The following PRAG1 variants were observed in gnomAD, a reference collection of about 807,000 sequenced individuals.
The protein encoded by PRAG1 is inactive tyrosine-protein kinase PRAG1.
In PRAG1, 110 loss-of-function variants were observed where a neutral mutation model predicts 95.6. That is an observed-to-expected ratio of 1.15 (90% CI 0.99 to 1.35). The LOEUF (loss-of-function observed/expected upper bound fraction) is 1.35. Ranked by LOEUF, PRAG1 falls within the 40% of genes most tolerant of loss-of-function variation. The probability of loss-of-function intolerance (pLI) is 0.00; values close to 1 mark genes in which losing one functional copy is unlikely to be tolerated. For synonymous variants in PRAG1, 1,052 were observed against 819.4 expected (o/e 1.28, Z -4.85); for missense variants, 2,554 against 1,864.7 (o/e 1.37, Z -6.81).
intron 4 of PRAG1, among the ~76,000 whole-genome samples, chr8:8,334,945 G>A (rs1798939709): frequency 6.6e-6 from 1 of 151,876 alleles, no homozygotes; most frequent in African/African-American, 2.4e-5. Context: ...AGCCAGGCGT[G>A]GTGGCGCGCA....
chr8:8,372,077 A>C (rs375031219), intron 3 of PRAG1, among the ~76,000 whole-genome samples: 2 of 152,172 alleles, frequency 1.3e-5, no homozygotes, highest in Non-Finnish European at 2.9e-5. Flanking sequence ...CACTAACCAG[A>C]TGATTCTCTT....
rs757860764 is a variant in PRAG1, at chr8:8,319,162, G to A, written c.3213C>T (p.Asp1071=). Residue 1071 remains aspartate, a synonymous_variant, in exon 6 of 6, where the codon GAC becomes GAT. Transcript: ENST00000615670. ...SMLSSPDAPK[D]PVPALPTHPP... is the part of the protein sequence containing the mutation. Reference sequence around the variant, plus strand: ...GGTGTGTGGGCAGGGCAGGCACAGGGTCCTTGGGCGCGTCGGGGGAGCTGA... The same window carrying A: ...GGTGTGTGGGCAGGGCAGGCACAGGATCCTTGGGCGCGTCGGGGGAGCTGA... The A allele has an allele frequency of 1.1e-5, 18 of 1,604,618 alleles. No homozygotes were observed. Among genetic ancestry groups the A allele is most frequent in the Non-Finnish European group, 1.4e-5 (17 of 1,175,282 alleles).
Position 8,328,177 on chromosome 8 carries a change from C to T in PRAG1, c.2605G>A (p.Gly869Arg), listed in dbSNP as rs369769327. 108 of 1,614,030 alleles carry T rather than the reference C, an allele frequency of 6.7e-5. 1 individual carries two copies. The highest frequency in any genetic ancestry group is 1.7e-4 in the African/African-American group (13 of 74,918). Reference sequence around the variant, plus strand: ...GAGAAGACAGGATGGTGGCGGTTCCCGGGGCTCAACGAATAGCTAAAGTGA... The same window carrying T: ...GAGAAGACAGGATGGTGGCGGTTCCTGGGGCTCAACGAATAGCTAAAGTGA... ...ESHFSYSLSPGNRHHPVFSSS... is the reference protein window; with the variant it reads ...ESHFSYSLSPRNRHHPVFSSS... The change falls in exon 5 of 6, where the codon GGG becomes AGG. Residue 869 changes from glycine (G) to arginine (R), a missense_variant. By Grantham distance (125) the Gly-to-Arg change is moderately radical. Transcript: ENST00000615670.
rs1337889709 is a variant in PRAG1, at chr8:8,376,276, G to A, written c.2133C>T (p.Phe711=). The change falls in exon 3 of 6, where the codon TTC becomes TTT. Residue 711 remains phenylalanine, a synonymous_variant. Transcript: ENST00000615670. ...FPKDRSGIET[F]SPPPPPPKSR... is the part of the protein sequence containing the mutation. ...ACTTTGGAGGCGGAGGAGGAGGTGAGAATGTCTCAATCCCACTTCTGTCCT... is the reference window on the plus strand; with the variant it reads ...ACTTTGGAGGCGGAGGAGGAGGTGAAAATGTCTCAATCCCACTTCTGTCCT... The A allele has an allele frequency of 1.2e-6, 2 of 1,614,060 alleles. No homozygotes were observed. The highest frequency in any genetic ancestry group is 1.3e-5 in the African/African-American group (1 of 75,036).
rs774564266 is a variant in PRAG1, at chr8:8,327,854, G to A, written c.2928C>T (p.Gly976=). The part of the protein sequence containing the change: ...LVAKCEDLFM[G]GQKKELHFNE... ...TGAAGTGGAGCTCCTTTTTCTGGCC[G>A]CCCATGAAGAGGTCCTCACATTTGG... The change falls in exon 5 of 6, where the codon GGC becomes GGT. Residue 976 remains glycine, a synonymous_variant. Transcript: ENST00000615670. 2.1e-5 allele frequency: 34 copies of A among 1,614,082 alleles called. 1 individual carries two copies. The highest frequency in any genetic ancestry group is 1.6e-4 in the Middle Eastern group (1 of 6,084).
In PRAG1 at chr8:8,328,405, G is replaced by T. The variant is rs764227798; in HGVS notation, c.2377C>A (p.Pro793Thr). 11 of 1,613,786 alleles carry T rather than the reference G, an allele frequency of 6.8e-6. No individual in the cohort carries two copies. The highest frequency in any genetic ancestry group is 8.5e-6 in the Non-Finnish European group (10 of 1,180,026). Residue 793 changes from proline (P) to threonine (T), a missense_variant, in exon 5 of 6, where the codon CCC (proline) becomes ACC (threonine). By Grantham distance (38) the Pro-to-Thr change is conservative. Coordinates refer to ENST00000615670, the MANE Select transcript of PRAG1 (RefSeq NM_001080826.3). ...PTNSGKKLFA[P>T]VPFPSGSTED... Reference sequence around the variant, plus strand: ...GTGGAGCCTGAAGGAAACGGAACGGGAGCAAAGAGCTTCTTCCCGCTGTTG... The same window carrying T: ...GTGGAGCCTGAAGGAAACGGAACGGTAGCAAAGAGCTTCTTCCCGCTGTTG...
intron 3 of PRAG1, among the ~76,000 whole-genome samples, chr8:8,357,080 T>G (rs1371674838): frequency 6.6e-6 from 1 of 152,112 alleles, no homozygotes; most frequent in African/African-American, 2.4e-5. Flanking sequence ...ATAAAATTCC[T>G]CGTGGAAAAC....
At position 8,376,294 on chromosome 8, in the gene PRAG1, T is replaced by A; in HGVS notation, c.2115A>T (p.Arg705Ser). The change falls in exon 3 of 6, where the codon AGA (arginine) becomes AGT (serine). Residue 705 changes from arginine (R) to serine (S), a missense_variant. Transcript: ENST00000615670. ...GAGGTGAGAATGTCTCAATCCCACT[T>A]CTGTCCTTGGGGAACTCAAAGGCAA... ...ASFAFEFPKDRSGIETFSPPP... is the reference protein window; with the variant it reads ...ASFAFEFPKDSSGIETFSPPP... The A allele has an allele frequency of 6.2e-7, 1 of 1,614,204 alleles. No individual in the cohort carries two copies. The highest frequency in any genetic ancestry group is 2.2e-5 in the East Asian group (1 of 44,872).
intron 3 of PRAG1, among the ~76,000 whole-genome samples, chr8:8,349,543 A>C (rs888004308): frequency 1.3e-5 from 2 of 152,102 alleles, no homozygotes; most frequent in African/African-American, 4.8e-5. Context: ...CGGCCTCCCA[A>C]AGTGCTGGGA....
rs772482190 is a variant in PRAG1, at chr8:8,376,920, C to T, written c.1489G>A (p.Val497Met). Residue 497 changes from valine (V) to methionine (M), a missense_variant, in exon 3 of 6, where the codon GTG (valine) becomes ATG (methionine). Coordinates refer to ENST00000615670, the MANE Select transcript of PRAG1 (RefSeq NM_001080826.3). ...TIYLSSPDSA[V>M]GVQWPRGPVS... ...GGCCCTCGTGGCCACTGCACCCCCA[C>T]TGCAGAGTCAGGGCTGCTCAGGTAG... 1.2e-6 allele frequency: 2 copies of T among 1,613,474 alleles called. No homozygotes were observed. Among genetic ancestry groups the T allele is most frequent in the East Asian group, 2.2e-5 (1 of 44,886 alleles).
Position 8,377,716 on chromosome 8 carries a change from G to A in PRAG1, c.693C>T (p.Ser231=). The change falls in exon 3 of 6, where the codon TCC becomes TCT. Residue 231 remains serine (S), a synonymous_variant. Coordinates refer to ENST00000615670, the MANE Select transcript of PRAG1 (RefSeq NM_001080826.3). ...GATCACTGTCATCCTCCGAGGGCAG[G>A]GATTCCCGCAGGGGCCCAGGGCCCT... ...CHQGPGPLRE[S]LPSEDDSDQR... The A allele has an allele frequency of 2.5e-6, 4 of 1,613,998 alleles. No homozygotes were observed. Among genetic ancestry groups the A allele is most frequent in the Non-Finnish European group, 3.4e-6 (4 of 1,180,006 alleles).
chr8:8,347,016 A>G (rs530029183), intron 3 of PRAG1, among the ~76,000 whole-genome samples: 10 of 152,370 alleles, frequency 6.6e-5, no homozygotes, highest in Non-Finnish European at 1.2e-4. Context: ...AAAGTTTTAG[A>G]GCATCAAATA....
Position 8,377,145 on chromosome 8 carries a change from C to T in PRAG1, c.1264G>A (p.Ala422Thr). The T allele has an allele frequency of 6.2e-7, 1 of 1,612,312 alleles. No individual in the cohort carries two copies. Among genetic ancestry groups the T allele is most frequent in the Non-Finnish European group, 8.5e-7 (1 of 1,180,014 alleles). ...IYAESTKRKK[A>T]APVPSKSQAK... ...TGTGACTTGGAAGGCACCGGAGCTG[C>T]CTTCTTCCTCTTGGTGCTCTCAGCA... The change falls in exon 3 of 6, where the codon GCA becomes ACA. Residue 422 changes from alanine (A) to threonine (T), a missense_variant. By Grantham distance (58) the Ala-to-Thr change is moderately conservative. Transcript: ENST00000615670.
chr8:8,381,584 G>T lies in PRAG1; in HGVS notation c.164C>A (p.Pro55His). 6.2e-7 allele frequency: 1 copy of T among 1,614,134 alleles called. No individual in the cohort carries two copies. Among genetic ancestry groups the T allele is most frequent in the Non-Finnish European group, 8.5e-7 (1 of 1,179,998 alleles). The change falls in exon 2 of 6, where the codon CCC becomes CAC. Residue 55 changes from proline to histidine, a missense_variant. By Grantham distance (77) the Pro-to-His change is moderately conservative. Transcript: ENST00000615670. ...CCTGGGAGGCAGGCGCGGTGGAGGG[G>T]GCAGGCTGCCCGCTCTGGGCTGGGG... is the stretch of plus-strand genomic sequence containing the variant. ...GPPQPRAGSL[P>H]PPPRLPPRPE...
chr8:8,368,370 G>A (rs1180945059), intron 3 of PRAG1, among the ~76,000 whole-genome samples: 1 of 152,196 alleles, frequency 6.6e-6, no homozygotes, highest in Non-Finnish European at 1.5e-5. Flanking sequence ...TATGGGAATA[G>A]TATAAACACT....
intron 4 of PRAG1, among the ~76,000 whole-genome samples, chr8:8,338,298 G>C (rs1025557374): frequency 1.3e-5 from 2 of 152,204 alleles, no homozygotes; most frequent in Admixed American, 1.3e-4. Flanking sequence ...AAACAAAGTG[G>C]TGAAGCCATG....
At chr8:8,345,806 A>G (rs965111356) in intron 3 of PRAG1, among the ~76,000 whole-genome samples, 19 of 152,178 alleles carry the variant, frequency 1.2e-4, no homozygotes, top group Admixed American at 4.6e-4. Flanking sequence ...AAAATAAAAT[A>G]AAATAAAACC....
Position 8,354,042 on chromosome 8 carries a change from G to A in PRAG1, c.2163-14407C>T, listed in dbSNP as rs570124033. ...AACAAGCAAAATCAACAAACCCCTA[G>A]ATAGACTAAGAAAATAAGGAAAGAA... On this transcript the variant is annotated intron_variant, in intron 3 of 5. Transcript: ENST00000615670. 4.0e-5 allele frequency among the ~76,000 whole-genome samples: 6 copies of A among 151,858 alleles called. No homozygotes were observed. The East Asian group carries it at 1.2e-3, about 29-fold the overall frequency.
intron 3 of PRAG1, among the ~76,000 whole-genome samples, chr8:8,341,779 C>T (rs193268470): frequency 3.0e-4 from 45 of 152,228 alleles, no homozygotes; most frequent in Non-Finnish European, 6.2e-4. Flanking sequence ...AGAGGCTAGC[C>T]CATAATTTTT....
Sources: allele counts gnomAD v4.1 joint callset (sites outside exome capture counted in the v4.1 genomes callset), GRCh38; gene constraint gnomAD v4.1.1; transcripts MANE v1.5; gene names NCBI Gene and HGNC (gene_info 2026-07-23, HGNC 2026-07-21).